Variants in RRP12 observed in about 807,000 individuals in gnomAD.
The protein encoded by RRP12 is ribosomal RNA processing 12 homolog, also known as RRP12-like protein.
Under a neutral mutation model 157.3 loss-of-function variants are expected in RRP12, and 78 were observed. The observed-to-expected ratio is 0.50, with a 90% CI of 0.41 to 0.60. The LOEUF (loss-of-function observed/expected upper bound fraction) is 0.60, where lower values mean the gene tolerates loss of function less well. Among genes scored for constraint, RRP12 ranks in the 20% least tolerant of loss-of-function variants. RRP12 has a pLI of 0.00. For synonymous variants in RRP12, 726 were observed against 670.9 expected, an observed-to-expected ratio of 1.08 and a Z score of -1.27; for missense variants, 1,521 against 1,679.9, an observed-to-expected ratio of 0.91 and a Z score of 1.65.
At chr10:97,378,128 G>C (rs567033654) in intron 15 of RRP12, among the ~76,000 whole-genome samples, 6 of 152,284 alleles carry the variant, frequency 3.9e-5, no homozygotes, top group African/African-American at 1.4e-4. Context: ...AAGAAACTAT[G>C]CCTGAAAGGA....
Position 97,401,333 on chromosome 10 carries a change from C to G in RRP12, c.-102G>C, listed in dbSNP as rs866299182. 7.0e-7 allele frequency: 1 copy of G among 1,431,050 alleles called. No homozygotes were observed. The highest frequency in any genetic ancestry group is 9.6e-7 in the Non-Finnish European group (1 of 1,039,322). 88.6% of individuals were successfully genotyped at this position (1,431,050 alleles called of 1,614,324 possible). A position where few individuals can be genotyped will look rare whatever the true frequency, so the allele number is the denominator to read the frequency against. Reference sequence around the variant, plus strand: ...GGATACCCTGTAGCCTTCACTTCCTCTTCTTCTGGCGTCACTTCCGGATTC... The same window carrying G: ...GGATACCCTGTAGCCTTCACTTCCTGTTCTTCTGGCGTCACTTCCGGATTC... On this transcript the variant is annotated 5_prime_UTR_variant, in exon 1 of 34. Coordinates refer to ENST00000370992, the MANE Select transcript of RRP12 (RefSeq NM_015179.4).
rs759651571 is a variant in RRP12 at position 97,373,620 on chromosome 10, C to T, written c.1981G>A (p.Val661Met). Residue 661 changes from valine (V) to methionine (M), a missense_variant, in exon 17 of 34, where the codon GTG becomes ATG. Val to Met is a conservative substitution (Grantham distance 21). Transcript: ENST00000370992. ...ATGAGGGTGCGCAGGGCCTGGCACA[C>T]GGTGACCCTCAGGTCTGGACGCTCG... ...ISERPDLRVTVCQALRTLITK... is the reference protein window; with the variant it reads ...ISERPDLRVTMCQALRTLITK... The T allele has an allele frequency of 1.3e-5, 21 of 1,612,622 alleles. No homozygotes were observed. Among genetic ancestry groups the T allele is most frequent in the Non-Finnish European group, 1.8e-5 (21 of 1,179,404 alleles).
intron 18 of RRP12, 38 bp from the exon 19 acceptor site, chr10:97,372,841 G>A: frequency 1.9e-6 from 3 of 1,540,264 alleles, no homozygotes; most frequent in South Asian, 2.4e-5. Context: ...GAGAGTCATT[G>A]GGGAGGAGCG....
intron 33 of RRP12, 113 bp from the exon 34 acceptor site, chr10:97,357,309 G>A (rs1843736760): frequency 1.5e-6 from 1 of 648,052 alleles, no homozygotes; most frequent in African/African-American, 1.8e-5. Flanking sequence ...GGGGCCTCCA[G>A]GTGGTGGCCA....
Position 97,397,992 on chromosome 10 carries a change from CGTATATATATATACAT to C in RRP12, c.370-1707_370-1692del, listed in dbSNP as rs1347188781. On this transcript the variant is annotated intron_variant, in intron 2 of 33. Transcript: ENST00000370992. ...TAACAAAATTGGGTAAAAAAAAATA[CGTATATATATATACAT>C]ATATATATATATATGTATATATATA... Among the ~76,000 whole-genome samples the C allele has an allele frequency of 4.0e-4, 17 of 42,792 alleles. 1 individual carries two copies. The highest frequency in any genetic ancestry group is 1.7e-3 in the African/African-American group (16 of 9,372). 28.1% of individuals were successfully genotyped at this position (42,792 alleles called of 152,430 possible). A position where few individuals can be genotyped will look rare whatever the true frequency, so the allele number is the denominator to read the frequency against.
chr10:97,369,329 A>G (rs927865803), intron 25 of RRP12, 96 bp downstream of exon 25: 1 of 1,313,980 alleles, frequency 7.6e-7, no homozygotes, highest in South Asian at 1.4e-5. Context: ...CTACAAAAAA[A>G]ATAGTTTGAA....
Position 97,390,678 on chromosome 10 carries a change from A to C in RRP12, c.636+61T>G. 6 of 1,415,560 alleles carry C rather than the reference A, an allele frequency of 4.2e-6. No homozygotes were observed. In the South Asian group the frequency reaches 6.9e-5, roughly 16 times the overall value. The allele number at this position is 1,415,560 out of a possible 1,614,324, so 87.7% of individuals were successfully genotyped here. A position where few individuals can be genotyped will look rare whatever the true frequency, so the allele number is the denominator to read the frequency against. On this transcript the variant is annotated intron_variant, in intron 5 of 33. Coordinates refer to ENST00000370992, the MANE Select transcript of RRP12 (RefSeq NM_015179.4). ...AACCCCTCTCAGGGAACATCTAAGC[A>C]TCACCAAATCAGACAGGCTCTGGGA...
At chr10:97,381,662 G>A in intron 11 of RRP12, 53 bp downstream of exon 11, 1 of 1,484,308 alleles carries the variant, frequency 6.7e-7, no homozygotes, top group Non-Finnish European at 9.4e-7. Flanking sequence ...GAAAGACAGG[G>A]CAGCCCATAG....
At position 97,390,537 on chromosome 10, in the gene RRP12, G is replaced by T; in HGVS notation, c.639C>A (p.Val213=). ...SSGSTSVLRW[V]LSCLATLLRK... is the part of the protein sequence containing the mutation. ...GCAGAAGGGTGGCCAGGCAGGAAAG[G>T]ACCTGGAAGAAAGTCAGAGTCCCTC... The change falls in exon 6 of 34, where the codon GTC becomes GTA. Residue 213 remains valine, a splice_region_variant and synonymous_variant. Coordinates refer to ENST00000370992, the MANE Select transcript of RRP12 (RefSeq NM_015179.4). 6.2e-7 allele frequency: 1 copy of T among 1,611,820 alleles called. No individual in the cohort carries two copies. Among genetic ancestry groups the T allele is most frequent in the Non-Finnish European group, 8.5e-7 (1 of 1,178,194 alleles).
At chr10:97,389,958 C>G (rs571144649) in intron 6 of RRP12, among the ~76,000 whole-genome samples, 27 of 152,216 alleles carry the variant, frequency 1.8e-4, no homozygotes, top group African/African-American at 6.3e-4. Context: ...AATGATCCTC[C>G]CACTTTGGCC....
At chr10:97,373,358 G>GGA (rs1383017635) in intron 17 of RRP12, among the ~76,000 whole-genome samples, 158 bp from the exon 18 acceptor site, 2 of 152,170 alleles carry the variant, frequency 1.3e-5, no homozygotes, top group Non-Finnish European at 2.9e-5. Context: ...GCCAGGGCAT[G>GGA]GAGAGCCTGG....
intron 18 of RRP12, 82 bp downstream of exon 18, chr10:97,372,964 T>C: frequency 1.3e-6 from 2 of 1,485,902 alleles, no homozygotes; most frequent in Admixed American, 4.0e-5. Flanking sequence ...ACGTGAGCCC[T>C]GGTGGGTAGG....
At chr10:97,386,946 C>T (rs529072902) in intron 8 of RRP12, among the ~76,000 whole-genome samples, 18 of 151,934 alleles carry the variant, frequency 1.2e-4, no homozygotes, top group Admixed American at 7.9e-4. Context: ...GCCGAGACCA[C>T]GCCACTGCAC....
chr10:97,369,788 T>A (rs149156318), intron 24 of RRP12, among the ~76,000 whole-genome samples: 124 of 152,296 alleles, frequency 8.1e-4, no homozygotes, highest in African/African-American at 2.8e-3. Flanking sequence ...TTGCTTCCAT[T>A]TTAGAGATAA....
At chr10:97,387,717 G>GA (rs1564765432) in intron 8 of RRP12, among the ~76,000 whole-genome samples, 1 of 151,488 alleles carries the variant, frequency 6.6e-6, no homozygotes, top group African/African-American at 2.4e-5. Flanking sequence ...GAGGCGGGCA[G>GA]ATCACCTGAG....
At position 97,358,959 on chromosome 10, in the gene RRP12, G is replaced by A. The variant is rs143870774; in HGVS notation, c.3692C>T (p.Ala1231Val). The stretch of plus-strand genomic sequence containing the variant: ...AGCACTTACCTTGGCCTTGTATTCA[G>A]CCCCAGGCATAGCCTTCTTGGCCAC... ...RPVAKKAMPG[A>V]EYKAKKAKGD... The change falls in exon 32 of 34, where the codon GCT becomes GTT. Residue 1231 changes from alanine (A) to valine (V), a missense_variant. Transcript: ENST00000370992. 1.7e-3 allele frequency: 2,753 copies of A among 1,613,622 alleles called. 30 individuals carry two copies. The highest frequency in any genetic ancestry group is 1.8e-3 in the Middle Eastern group (11 of 6,056).
chr10:97,360,717 G>A, intron 30 of RRP12, 99 bp from the exon 31 acceptor site: 1 of 886,080 alleles, frequency 1.1e-6, no homozygotes, highest in Non-Finnish European at 1.9e-6. Flanking sequence ...TCAAGCAGGA[G>A]AGGCCCTCTG....
At chr10:97,367,446 A>G (rs1244065809) in intron 25 of RRP12, 2 of 395,280 alleles carry the variant, frequency 5.1e-6, no homozygotes, top group Non-Finnish European at 9.3e-6. Context: ...GATACATGCT[A>G]TCACCCCCTA....
In RRP12 at chr10:97,401,319, A is replaced by C. The variant is rs1019262857; in HGVS notation, c.-88T>G. 8.0e-6 allele frequency: 12 copies of C among 1,506,196 alleles called. No individual in the cohort carries two copies. Among genetic ancestry groups the C allele is most frequent in the Non-Finnish European group, 9.1e-6 (10 of 1,097,404 alleles). 93.3% of individuals were successfully genotyped at this position (1,506,196 alleles called of 1,614,324 possible). A position where few individuals can be genotyped will look rare whatever the true frequency, so the allele number is the denominator to read the frequency against. On this transcript the variant is annotated 5_prime_UTR_variant, in exon 1 of 34. Coordinates refer to ENST00000370992, the MANE Select transcript of RRP12 (RefSeq NM_015179.4). The stretch of plus-strand genomic sequence containing the variant: ...CTCAGAACCCACGTGGATACCCTGT[A>C]GCCTTCACTTCCTCTTCTTCTGGCG...
Sources: allele counts gnomAD v4.1 joint callset (sites outside exome capture counted in the v4.1 genomes callset), GRCh38; gene constraint gnomAD v4.1.1; transcripts MANE v1.5; gene names NCBI Gene and HGNC (gene_info 2026-07-23, HGNC 2026-07-21).